The following SUMF1 variants were observed in gnomAD, a reference collection of about 807,000 sequenced individuals.
SUMF1 encodes formylglycine-generating enzyme.
Under a neutral mutation model 47.6 loss-of-function variants are expected in SUMF1, and 48 were observed. The ratio of observed to expected loss-of-function variants is 1.01; its 90% confidence interval spans 0.80 to 1.28. The LOEUF (loss-of-function observed/expected upper bound fraction) is 1.28, where lower values mean the gene tolerates loss of function less well. SUMF1 is among the 50% of genes most tolerant of loss of function. SUMF1 has a pLI of 0.00. For missense variants in SUMF1, 571 were observed against 485.4 expected (o/e 1.18, Z -1.66); for synonymous variants, 230 against 192.1 (o/e 1.20, Z -1.63).
chr3:4,411,164 C>T (rs572703472), intron 6 of SUMF1, among the ~76,000 whole-genome samples, 186 bp from the exon 7 acceptor site: 6 of 151,754 alleles, frequency 4.0e-5, no homozygotes, highest in African/African-American at 1.2e-4. Context: ...GCTTTGAGCT[C>T]TTAGAGGAAT....
At chr3:4,086,474 C>T (rs1455612230) in intron 8 of SUMF1, among the ~76,000 whole-genome samples, 4 of 152,054 alleles carry the variant, frequency 2.6e-5, no homozygotes, top group Admixed American at 6.6e-5. Context: ...CCTGGTGTCT[C>T]ATGCCCGATC....
chr3:4,355,706 G>A (rs981326139), intron 8 of SUMF1, among the ~76,000 whole-genome samples: 10 of 152,116 alleles, frequency 6.6e-5, no homozygotes, highest in Admixed American at 1.3e-4. Context: ...CATTCCCCTC[G>A]GCAAAGAAAA....
At chr3:4,433,119 T>C (rs1224100994) in intron 3 of SUMF1, among the ~76,000 whole-genome samples, 1 of 152,252 alleles carries the variant, frequency 6.6e-6, no homozygotes, top group Non-Finnish European at 1.5e-5. Context: ...TCCCTCAGCA[T>C]GACTCTCTAC....
intron 8 of SUMF1, among the ~76,000 whole-genome samples, chr3:4,374,882 C>T (rs1348485516): frequency 6.6e-6 from 1 of 151,956 alleles, no homozygotes; most frequent in Non-Finnish European, 1.5e-5. Context: ...GGATTTTAGG[C>T]CGGGCACAGT....
chr3:4,069,118 A>G (rs1695452873), intron 8 of SUMF1, among the ~76,000 whole-genome samples: 2 of 152,326 alleles, frequency 1.3e-5, no homozygotes, highest in Non-Finnish European at 1.5e-5. Context: ...TTGTTATGAC[A>G]CTGTCCTCAA....
intron 3 of SUMF1, among the ~76,000 whole-genome samples, chr3:4,437,396 T>C (rs1191712010): frequency 6.6e-6 from 1 of 152,010 alleles, no homozygotes. Context: ...ATATGACTTC[T>C]AAGAAGACAA....
At chr3:4,070,297 A>G (rs795738) in intron 8 of SUMF1, among the ~76,000 whole-genome samples, 23,713 of 152,162 alleles carry the variant, frequency 0.16, 2,704 homozygotes, top group African/African-American at 0.3. Flanking sequence ...GACCTTCTGA[A>G]GGCTGTTTCA....
At chr3:4,190,803 G>C (rs1229501989) in intron 8 of SUMF1, among the ~76,000 whole-genome samples, 1 of 152,132 alleles carries the variant, frequency 6.6e-6, no homozygotes, top group Admixed American at 6.5e-5. Flanking sequence ...CTTTCAGGGA[G>C]TTCACAGCCT....
At chr3:4,280,554 A>G (rs1448430491) in intron 8 of SUMF1, among the ~76,000 whole-genome samples, 1 of 152,124 alleles carries the variant, frequency 6.6e-6, no homozygotes, top group East Asian at 1.9e-4. Flanking sequence ...TAGAGAAGGT[A>G]GCTTTGAGAT....
intron 8 of SUMF1, among the ~76,000 whole-genome samples, chr3:4,368,912 T>G (rs1700078025): frequency 6.6e-6 from 1 of 152,172 alleles, no homozygotes; most frequent in Non-Finnish European, 1.5e-5. Context: ...GCATAAACTC[T>G]GAGTTGGCCC....
intron 4 of SUMF1, among the ~76,000 whole-genome samples, chr3:4,418,527 G>T (rs1701791821): frequency 6.6e-6 from 1 of 152,158 alleles, no homozygotes; most frequent in Non-Finnish European, 1.5e-5. Flanking sequence ...CCACAGCAGG[G>T]GCATACAGAG....
At chr3:4,427,934 G>A (rs999651390) in intron 3 of SUMF1, among the ~76,000 whole-genome samples, 2 of 152,018 alleles carry the variant, frequency 1.3e-5, no homozygotes, top group Middle Eastern at 3.2e-3. Flanking sequence ...AGGGCAGGGG[G>A]AACTGATTTG....
At chr3:4,413,113 T>A (rs1173933678) in intron 6 of SUMF1, among the ~76,000 whole-genome samples, 1 of 151,934 alleles carries the variant, frequency 6.6e-6, no homozygotes. Flanking sequence ...CAAGCGATCC[T>A]CTCAGCTCAG....
intron 8 of SUMF1, among the ~76,000 whole-genome samples, chr3:4,366,446 C>T (rs1284909297): frequency 6.6e-6 from 1 of 151,720 alleles, no homozygotes; most frequent in African/African-American, 2.4e-5. Context: ...AACTTCCCTT[C>T]TCGCTTCATT....
intron 1 of SUMF1, among the ~76,000 whole-genome samples, chr3:4,453,533 ATT>A (rs11424980): frequency 1.4e-4 from 20 of 138,210 alleles, no homozygotes; most frequent in Admixed American, 2.9e-4. Flanking sequence ...TGCCCAACTA[ATT>A]TTTTTTTTTT....
At chr3:4,161,924 G>A (rs1285345047) in intron 8 of SUMF1, among the ~76,000 whole-genome samples, 1 of 152,038 alleles carries the variant, frequency 6.6e-6, no homozygotes, top group Non-Finnish European at 1.5e-5. Flanking sequence ...CACACTGGAA[G>A]CCAGCACATC....
intron 8 of SUMF1, among the ~76,000 whole-genome samples, chr3:4,336,308 G>A (rs151331558): frequency 6.6e-6 from 1 of 152,322 alleles, no homozygotes; most frequent in South Asian, 2.1e-4. Context: ...AGTCTTGTGA[G>A]GGTCTGATTA....
intron 8 of SUMF1, among the ~76,000 whole-genome samples, chr3:4,320,196 A>G (rs1291022127): frequency 6.6e-6 from 1 of 152,230 alleles, no homozygotes; most frequent in Non-Finnish European, 1.5e-5. Flanking sequence ...GACTGTGACA[A>G]GAGAACATAA....
chr3:4,367,130 G>C (rs568214173), intron 8 of SUMF1, among the ~76,000 whole-genome samples: 1 of 147,222 alleles, frequency 6.8e-6, no homozygotes, highest in South Asian at 2.1e-4. Context: ...TGCCCCTACT[G>C]GGGGGGTGCC....
Sources: gnomAD v4.1 joint callset for allele counts (sites outside exome capture counted in the v4.1 genomes callset) on GRCh38, gnomAD v4.1.1 for gene constraint, MANE v1.5 for transcripts, NCBI Gene and HGNC (gene_info 2026-07-23, HGNC 2026-07-21) for gene names.